Variants in ZNF507 observed in about 807,000 individuals in gnomAD.
ZNF507 encodes the protein zinc finger protein 507.
In ZNF507, 29 loss-of-function variants were observed where a neutral mutation model predicts 80.0. The ratio of observed to expected loss-of-function variants is 0.36; its 90% CI spans 0.27 to 0.49. The LOEUF (loss-of-function observed/expected upper bound fraction) is 0.49. ZNF507 is among the 20% of genes least tolerant of loss of function. The pLI, the probability that ZNF507 is intolerant of heterozygous loss-of-function variation, is 0.98. For synonymous variants in ZNF507, 462 were observed against 422.5 expected, an observed-to-expected ratio of 1.09 and a Z score of -1.15; for missense variants, 1,081 against 1,152.2, an observed-to-expected ratio of 0.94 and a Z score of 0.90.
At chr19:32,373,578 A>G (rs1476464061) in intron 5 of ZNF507, among the ~76,000 whole-genome samples, 2 of 152,202 alleles carry the variant, frequency 1.3e-5, no homozygotes, top group East Asian at 1.9e-4. Context: ...AATGTCTCCA[A>G]GAGTTCCTTT....
chr19:32,372,348 T>A (rs530421457), intron 5 of ZNF507, among the ~76,000 whole-genome samples: 1 of 151,152 alleles, frequency 6.6e-6, no homozygotes, highest in Non-Finnish European at 1.5e-5. Flanking sequence ...CAGAAAAGGG[T>A]TTAAATAAAG....
intron 5 of ZNF507, among the ~76,000 whole-genome samples, chr19:32,374,881 AC>A (rs1276316465): frequency 6.6e-6 from 1 of 152,136 alleles, no homozygotes; most frequent in Non-Finnish European, 1.5e-5. Context: ...CTGTTCTTGA[AC>A]TTAATGGAAA....
intron 5 of ZNF507, among the ~76,000 whole-genome samples, chr19:32,374,478 T>TC (rs1017603043): frequency 3.3e-5 from 5 of 151,278 alleles, no homozygotes; most frequent in African/African-American, 1.2e-4. Flanking sequence ...TTCTTTCTTT[T>TC]TTTTTTTTTT....
chr19:32,367,487 TTAA>T (rs1261541118), intron 5 of ZNF507, among the ~76,000 whole-genome samples: 4 of 152,248 alleles, frequency 2.6e-5, no homozygotes, highest in East Asian at 1.9e-4. Context: ...TTCTACTTTC[TTAA>T]TGATGTCTTT....
At chr19:32,381,876 T>C (rs1029133096) in intron 5 of ZNF507, among the ~76,000 whole-genome samples, 2 of 152,214 alleles carry the variant, frequency 1.3e-5, no homozygotes, top group Non-Finnish European at 2.9e-5. Context: ...TTTCTAAAAA[T>C]CTTTCATTGT....
chr19:32,370,132 C>T (rs1218634774), intron 5 of ZNF507, among the ~76,000 whole-genome samples: 2 of 152,198 alleles, frequency 1.3e-5, no homozygotes, highest in South Asian at 2.1e-4. Context: ...GTGCACGTCA[C>T]GTTTTCTTTA....
chr19:32,370,499 C>T (rs944091584), intron 5 of ZNF507, among the ~76,000 whole-genome samples: 9 of 152,156 alleles, frequency 5.9e-5, no homozygotes, highest in African/African-American at 9.7e-5. Context: ...ATGTTGAGCA[C>T]GTTTTCATAT....
chr19:32,368,215 T>C (rs1313736323), intron 5 of ZNF507, among the ~76,000 whole-genome samples: 1 of 152,096 alleles, frequency 6.6e-6, no homozygotes, highest in Non-Finnish European at 1.5e-5. Flanking sequence ...ATTCTGTGGG[T>C]CGGTCAGGAA....
rs201573959 is a variant in ZNF507, at chr19:32,361,775, TCTCC to T, written c.2360+1166_2360+1169del. ...TTTCCTTTTCTTCCCTCCCTCCCTC[TCTCC>T]CTCCCTCCTTCCTTCCTTTCCTTCC... On this transcript the variant is annotated intron_variant, in intron 5 of 6. Coordinates refer to ENST00000355898, the MANE Select transcript of ZNF507 (RefSeq NM_001136156.2). 3.2e-3 allele frequency among the ~76,000 whole-genome samples: 410 copies of T among 126,404 alleles called. 5 individuals are homozygous for T. Among genetic ancestry groups the T allele is most frequent in the Admixed American group, 0.02 (239 of 11,844 alleles). 82.9% of individuals were successfully genotyped at this position (126,404 alleles called of 152,430 possible).
chr19:32,383,189 T>G lies in ZNF507; in HGVS notation c.*106T>G. On this transcript the variant is annotated 3_prime_UTR_variant, in exon 7 of 7. Transcript: ENST00000355898. ...CCTGCCACAGAAGAAGTCGTTGATG[T>G]GATTTTTGAGGAAATGACAGATGTG... is the stretch of plus-strand genomic sequence containing the variant. The G allele has an allele frequency of 2.1e-6, 3 of 1,442,966 alleles. No individual in the cohort carries two copies. Among genetic ancestry groups the G allele is most frequent in the Non-Finnish European group, 2.8e-6 (3 of 1,075,704 alleles). 89.4% of individuals were successfully genotyped at this position (1,442,966 alleles called of 1,614,324 possible). A position where few individuals can be genotyped will look rare whatever the true frequency, so the allele number is the denominator to read the frequency against.
chr19:32,382,831 TC>T lies in ZNF507; in HGVS notation c.2613del (p.Ser872ValfsTer12). On this transcript the variant is annotated frameshift_variant, in exon 7 of 7. Coordinates refer to ENST00000355898, the MANE Select transcript of ZNF507 (RefSeq NM_001136156.2). LOFTEE classifies it high-confidence loss of function. ...CATCTTCAGAACTGATGTCCCAGACTCCCAGTGAAGTTCTGGGTACCAACGA... is the reference window on the plus strand; with the variant it reads ...CATCTTCAGAACTGATGTCCCAGACTCCAGTGAAGTTCTGGGTACCAACGA... ...VSSSELMSQTPSEVLGTNENE... is the reference protein window; with the variant it reads ...VSSSELMSQTXSEVLGTNENE... 6.2e-7 allele frequency: 1 copy of T among 1,614,188 alleles called. No individual in the cohort carries two copies. The highest frequency in any genetic ancestry group is 8.5e-7 in the Non-Finnish European group (1 of 1,180,034).
intron 3 of ZNF507, among the ~76,000 whole-genome samples, chr19:32,355,439 G>A (rs1347911607): frequency 1.3e-5 from 2 of 152,150 alleles, no homozygotes; most frequent in Non-Finnish European, 2.9e-5. Context: ...ATGGGCTATG[G>A]CGGACCTATT....
intron 4 of ZNF507, chr19:32,357,648 C>A (rs1967269769): frequency 6.6e-6 from 1 of 152,318 alleles, no homozygotes; most frequent in East Asian, 1.9e-4. Context: ...GTAAAACTCT[C>A]TGAAACAAAA....
At position 32,386,251 on chromosome 19, in the gene ZNF507, T is replaced by G. The variant is rs1347202262; in HGVS notation, c.*3168T>G. The G allele has an allele frequency of 6.6e-6, 1 of 152,642 alleles. No individual in the cohort carries two copies. The highest frequency in any genetic ancestry group is 1.5e-5 in the Non-Finnish European group (1 of 68,042). 9.5% of individuals were successfully genotyped at this position (152,642 alleles called of 1,614,324 possible). On this transcript the variant is annotated 3_prime_UTR_variant, in exon 7 of 7. Coordinates refer to ENST00000355898, the MANE Select transcript of ZNF507 (RefSeq NM_001136156.2). Reference sequence around the variant, plus strand: ...GCTGGTGGCTTCATAATTTTCTGTTTTTTTTCTCACAAAGTAAATGGTGGG... The same window carrying G: ...GCTGGTGGCTTCATAATTTTCTGTTGTTTTTCTCACAAAGTAAATGGTGGG...
rs774801306 is a variant in ZNF507, at chr19:32,353,499, T to C, written c.669T>C (p.Thr223=). The part of the protein sequence containing the change: ...DIPVSVDNLQ[T]HTVQTASVAE... ...CAGTAAGTGTGGACAATCTACAGAC[T>C]CATACTGTCCAAACTGCATCTGTGG... The change falls in exon 3 of 7, where the codon ACT becomes ACC. Residue 223 remains threonine (T), a synonymous_variant. Transcript: ENST00000355898. 1.2e-6 allele frequency: 2 copies of C among 1,614,168 alleles called. No individual in the cohort carries two copies.
chr19:32,370,716 G>A (rs916807886), intron 5 of ZNF507, among the ~76,000 whole-genome samples: 13 of 152,224 alleles, frequency 8.5e-5, no homozygotes, highest in African/African-American at 2.4e-4. Context: ...TTTCTTTGCT[G>A]TGCAGAAGTT....
intron 5 of ZNF507, among the ~76,000 whole-genome samples, chr19:32,365,793 G>A (rs1165091038): frequency 2.0e-5 from 3 of 152,138 alleles, no homozygotes; most frequent in African/African-American, 7.2e-5. Context: ...ACTGTACTGT[G>A]GCAGGGGGAC....
At chr19:32,363,070 C>T (rs569258701) in intron 5 of ZNF507, among the ~76,000 whole-genome samples, 2 of 152,246 alleles carry the variant, frequency 1.3e-5, no homozygotes, top group South Asian at 2.1e-4. Flanking sequence ...GTGCTTTAAG[C>T]GGAGCTGGTA....
At chr19:32,360,465 T>C (rs1967306935) in intron 4 of ZNF507, 39 bp from the exon 5 acceptor site, 2 of 1,135,318 alleles carry the variant, frequency 1.8e-6, no homozygotes, top group Admixed American at 4.9e-5. Flanking sequence ...TTGAATCTTG[T>C]CAAAGCCTGC....
Sources: allele counts gnomAD v4.1 joint callset (sites outside exome capture counted in the v4.1 genomes callset), GRCh38; gene constraint gnomAD v4.1.1; transcripts MANE v1.5; gene names NCBI Gene and HGNC (gene_info 2026-07-23, HGNC 2026-07-21).